The following FKBP15 variants were observed in gnomAD, a reference collection of about 807,000 sequenced individuals.
The protein encoded by FKBP15 is FKBP prolyl isomerase family member 15.
A neutral mutation model predicts 158.1 loss-of-function variants in FKBP15; 106 were observed. The observed-to-expected ratio is 0.67, with a 90% confidence interval of 0.57 to 0.79. FKBP15 has a LOEUF of 0.79. FKBP15 is among the 30% of genes least tolerant of loss of function. The probability of loss-of-function intolerance (pLI) is 0.00; values close to 1 mark genes in which losing one functional copy is unlikely to be tolerated. For missense variants in FKBP15, 1,287 were observed against 1,479.1 expected, an observed-to-expected ratio of 0.87 and a Z score of 2.13; for synonymous variants, 547 against 548.6, an observed-to-expected ratio of 1.00 and a Z score of 0.04.
At chr9:113,202,858 G>A in intron 5 of FKBP15, 103 bp downstream of exon 5, 2 of 990,340 alleles carry the variant, frequency 2.0e-6, no homozygotes. Flanking sequence ...AGGACACCCA[G>A]GGCTGAACCA....
chr9:113,220,012 A>C (rs58127780), intron 1 of FKBP15, among the ~76,000 whole-genome samples: 5 of 152,226 alleles, frequency 3.3e-5, no homozygotes, highest in African/African-American at 1.2e-4. Context: ...CTACTTAAGG[A>C]CAAAAGAAGG....
rs1587976654 is a variant in FKBP15 at position 113,211,468 on chromosome 9, T to C, written c.169+9A>G. On this transcript the variant is annotated intron_variant, in intron 2 of 27. Coordinates refer to ENST00000238256, the MANE Select transcript of FKBP15 (RefSeq NM_015258.2). ...GCCACCTCGCTCGGCTAATACACTC[T>C]TAACTTACCTGTTGCTGCCGTTCCC... 1.3e-6 allele frequency: 2 copies of C among 1,599,708 alleles called. No homozygotes were observed. The highest frequency in any genetic ancestry group is 2.3e-5 in the South Asian group (2 of 88,288).
chr9:113,193,861 C>T (rs1033864585), intron 10 of FKBP15, among the ~76,000 whole-genome samples, 166 bp downstream of exon 10: 1 of 152,128 alleles, frequency 6.6e-6, no homozygotes, highest in Non-Finnish European at 1.5e-5. Flanking sequence ...GAATATTAAA[C>T]CTTTGTCAGA....
At position 113,202,946 on chromosome 9, in the gene FKBP15, A is replaced by G. The variant is rs1285946741; in HGVS notation, c.399+15T>C. The G allele has an allele frequency of 6.3e-7, 1 of 1,598,206 alleles. No homozygotes were observed. The highest frequency in any genetic ancestry group is 1.1e-5 in the South Asian group (1 of 90,104). ...TCCCGAAGGAGCTAATGATTCCAATATGATGAAGTCTTACCATTAGCTCAA... is the reference window on the plus strand; with the variant it reads ...TCCCGAAGGAGCTAATGATTCCAATGTGATGAAGTCTTACCATTAGCTCAA... On this transcript the variant is annotated intron_variant, in intron 5 of 27. Transcript: ENST00000238256.
intron 3 of FKBP15, chr9:113,206,989 C>T (rs1830900690): frequency 2.0e-6 from 1 of 496,336 alleles, no homozygotes; most frequent in Non-Finnish European, 3.6e-6. Context: ...CATTTGACAG[C>T]TGTTGAGGGT....
At chr9:113,190,392 ACAATCACTC>A in intron 12 of FKBP15, 70 bp downstream of exon 12, 1 of 1,184,196 alleles carries the variant, frequency 8.4e-7, no homozygotes, top group Non-Finnish European at 1.2e-6. Context: ...TAGAGAAAAA[ACAATCACTC>A]CAACCAAATG....
At chr9:113,201,207 T>C (rs1218986036) in intron 6 of FKBP15, among the ~76,000 whole-genome samples, 1 of 151,568 alleles carries the variant, frequency 6.6e-6, no homozygotes, top group African/African-American at 2.4e-5. Context: ...AATAGTACAA[T>C]CTCTCTGAAA....
At position 113,199,926 on chromosome 9, in the gene FKBP15, T is replaced by C. The variant is rs1830756731; in HGVS notation, c.536A>G (p.Asp179Gly). ...IAKCNSTSSLDAVLSQDLIVA... is the reference protein window; with the variant it reads ...IAKCNSTSSLGAVLSQDLIVA... ...AATGAGGTCCTGGGAGAGCACTGCATCCAGGGAAGAGGTACTGTTGCACTT... is the reference window on the plus strand; with the variant it reads ...AATGAGGTCCTGGGAGAGCACTGCACCCAGGGAAGAGGTACTGTTGCACTT... The change falls in exon 7 of 28, where the codon GAT becomes GGT. Residue 179 changes from aspartate (D) to glycine (G), a missense_variant. Asp to Gly is a moderately conservative substitution (Grantham distance 94, BLOSUM62 -1). Coordinates refer to ENST00000238256, the MANE Select transcript of FKBP15 (RefSeq NM_015258.2). The C allele has an allele frequency of 6.2e-7, 1 of 1,613,436 alleles. No individual in the cohort carries two copies. The highest frequency in any genetic ancestry group is 8.5e-7 in the Non-Finnish European group (1 of 1,179,688).
chr9:113,182,721 C>T (rs1830420208), intron 19 of FKBP15, 45 bp downstream of exon 19: 3 of 1,504,306 alleles, frequency 2.0e-6, no homozygotes, highest in Non-Finnish European at 2.8e-6. Flanking sequence ...CATTCCTTAG[C>T]TCTACCCATC....
intron 22 of FKBP15, 51 bp from the exon 23 acceptor site, chr9:113,173,656 A>T: frequency 1.3e-6 from 2 of 1,581,526 alleles, no homozygotes; most frequent in Middle Eastern, 1.9e-4. Flanking sequence ...GGGGAGTGAG[A>T]TTCCATTGCA....
chr9:113,179,766 A>C (rs547022958), intron 19 of FKBP15, among the ~76,000 whole-genome samples: 1 of 152,240 alleles, frequency 6.6e-6, no homozygotes, highest in African/African-American at 2.4e-5. Context: ...TTCACTTAAT[A>C]AACTTGCTTT....
At position 113,188,024 on chromosome 9, in the gene FKBP15, C is replaced by T. The variant is rs1442782062; in HGVS notation, c.1277-125G>A. The T allele has an allele frequency of 8.3e-6, 6 of 722,142 alleles. No homozygotes were observed. The South Asian group carries it at 9.0e-5, about 11-fold the overall frequency. 44.7% of individuals were successfully genotyped at this position (722,142 alleles called of 1,614,324 possible). A position where few individuals can be genotyped will look rare whatever the true frequency, so the allele number is the denominator to read the frequency against. On this transcript the variant is annotated intron_variant, in intron 13 of 27. Coordinates refer to ENST00000238256, the MANE Select transcript of FKBP15 (RefSeq NM_015258.2). ...TTTCCTTGCCTAGTCTCCCTACACT[C>T]AGCTCTACTGCAATCTCAGGAATGA...
intron 9 of FKBP15, among the ~76,000 whole-genome samples, chr9:113,196,046 G>A (rs7035169): frequency 0.2 from 29,384 of 149,304 alleles, 3,095 homozygotes; most frequent in African/African-American, 0.24. Flanking sequence ...ACACACACAC[G>A]CACATATGAG....
In FKBP15 at chr9:113,206,527, C is replaced by G; in HGVS notation, c.306G>C (p.Gly102=). ...CTCTCACCTCTCTGGCTGTGTGGTT[C>G]CCCAGAACTGCAGCACCAAATTTGC... ...KQGKFGAAVL[G]NHTAREYRIL... Residue 102 remains glycine (G), a synonymous_variant, in exon 4 of 28, where the codon GGG becomes GGC. Coordinates refer to ENST00000238256, the MANE Select transcript of FKBP15 (RefSeq NM_015258.2). 1.2e-6 allele frequency: 2 copies of G among 1,613,794 alleles called. No individual in the cohort carries two copies. Among genetic ancestry groups the G allele is most frequent in the Non-Finnish European group, 1.7e-6 (2 of 1,179,784 alleles).
chr9:113,178,003 C>T (rs1273755645), intron 20 of FKBP15, among the ~76,000 whole-genome samples: 1 of 151,950 alleles, frequency 6.6e-6, no homozygotes, highest in African/African-American at 2.4e-5. Context: ...TTAAAGAGAT[C>T]AAATGTTCTA....
chr9:113,220,123 A>G (rs4978536), intron 1 of FKBP15, among the ~76,000 whole-genome samples: 51,026 of 152,126 alleles, frequency 0.34, 8,721 homozygotes, highest in African/African-American at 0.39. Context: ...TTGTGGTTGC[A>G]ATAGAAACCA....
rs963718727 is a variant in FKBP15, at chr9:113,178,897, T to C, written c.1915-96A>G. 9 of 1,244,680 alleles carry C rather than the reference T, an allele frequency of 7.2e-6. No individual in the cohort carries two copies. In the Admixed American group the frequency reaches 1.7e-4, roughly 23 times the overall value. The allele number at this position is 1,244,680 out of a possible 1,614,324, so 77.1% of individuals were successfully genotyped here. A position where few individuals can be genotyped will look rare whatever the true frequency, so the allele number is the denominator to read the frequency against. On this transcript the variant is annotated intron_variant, in intron 19 of 27. Coordinates refer to ENST00000238256, the MANE Select transcript of FKBP15 (RefSeq NM_015258.2). The stretch of plus-strand genomic sequence containing the variant: ...CATAACTCTATGTAGACTGAACTAG[T>C]AAACAGGGAGTTATGGCTGCCTTCA...
intron 23 of FKBP15, among the ~76,000 whole-genome samples, chr9:113,172,508 C>T (rs779101528): frequency 5.3e-5 from 8 of 152,182 alleles, no homozygotes; most frequent in Non-Finnish European, 8.8e-5. Context: ...TCTCCAGAAT[C>T]TCTAAACATC....
At chr9:113,212,078 C>T (rs1831017962) in intron 1 of FKBP15, among the ~76,000 whole-genome samples, 1 of 152,206 alleles carries the variant, frequency 6.6e-6, no homozygotes, top group Admixed American at 6.5e-5. Flanking sequence ...AACATGGTCC[C>T]TGCCATCCTT....
Sources: allele counts gnomAD v4.1 joint callset (sites outside exome capture counted in the v4.1 genomes callset), GRCh38; gene constraint gnomAD v4.1.1; transcripts MANE v1.5; gene names NCBI Gene and HGNC (gene_info 2026-07-23, HGNC 2026-07-21).